TSPAN15: variants seen among roughly 807,000 people sequenced by gnomAD.
The protein encoded by TSPAN15 is tetraspanin-15.
TSPAN15 carries 20 observed loss-of-function variants against 34.5 expected under a neutral mutation model. The ratio of observed to expected loss-of-function variants is 0.58; its 90% CI spans 0.41 to 0.84. TSPAN15 has a LOEUF of 0.84. Ranked by LOEUF, TSPAN15 falls within the 40% of genes least tolerant of loss-of-function variation. The probability of loss-of-function intolerance (pLI) is 0.00; values close to 1 mark genes in which losing one functional copy is unlikely to be tolerated. For missense variants in TSPAN15, 313 were observed against 386.1 expected (o/e 0.81, Z 1.59); for synonymous variants, 155 against 153.9 (o/e 1.01, Z -0.05).
intron 1 of TSPAN15, among the ~76,000 whole-genome samples, chr10:69,456,110 C>G (rs1211723275): frequency 1.2e-4 from 17 of 147,768 alleles, no homozygotes; most frequent in African/African-American, 3.8e-4. Context: ...TTTTTTGAGA[C>G]AGAGCCTCGC....
intron 1 of TSPAN15, among the ~76,000 whole-genome samples, chr10:69,478,318 C>T (rs1448411942): frequency 6.6e-6 from 1 of 152,176 alleles, no homozygotes; most frequent in Admixed American, 6.5e-5. Flanking sequence ...TTATTCAAAA[C>T]CTCTCTCAAG....
At chr10:69,473,408 G>A (rs1841546782) in intron 1 of TSPAN15, among the ~76,000 whole-genome samples, 1 of 152,212 alleles carries the variant, frequency 6.6e-6, no homozygotes, top group African/African-American at 2.4e-5. Flanking sequence ...GGGGAGGGAA[G>A]GCATTGCTGT....
chr10:69,532,582 A>G, the TSPAN15 span, among the ~76,000 whole-genome samples: 1 of 152,250 alleles, frequency 6.6e-6, no homozygotes, highest in East Asian at 1.9e-4. Context: ...AAATTCTAGA[A>G]GATAACATCG....
At chr10:69,468,837 C>G (rs1841444264) in intron 1 of TSPAN15, among the ~76,000 whole-genome samples, 1 of 152,058 alleles carries the variant, frequency 6.6e-6, no homozygotes, top group Admixed American at 6.5e-5. Flanking sequence ...TTATGACATT[C>G]CTGTGTTGTA....
At chr10:69,546,415 A>G in the TSPAN15 span, among the ~76,000 whole-genome samples, 1 of 152,042 alleles carries the variant, frequency 6.6e-6, no homozygotes, top group Middle Eastern at 3.2e-3. Flanking sequence ...TGACTCCCAA[A>G]CTTTTGTCTC....
chr10:69,490,870 C>T (rs1048950661), intron 3 of TSPAN15, among the ~76,000 whole-genome samples: 1 of 152,178 alleles, frequency 6.6e-6, no homozygotes, highest in Non-Finnish European at 1.5e-5. Flanking sequence ...CAAATATTTT[C>T]CATCCACTGT....
intron 1 of TSPAN15, among the ~76,000 whole-genome samples, chr10:69,454,480 G>A (rs1841040830): frequency 1.3e-5 from 2 of 151,864 alleles, no homozygotes; most frequent in Non-Finnish European, 2.9e-5. Context: ...ATCGTGCCAC[G>A]GCACTGTAGT....
chr10:69,484,128 G>T, intron 2 of TSPAN15: 1 of 408,158 alleles, frequency 2.5e-6, no homozygotes, highest in Non-Finnish European at 4.4e-6. Context: ...GTTGCGAGTA[G>T]GAAAAACCAC....
At position 69,498,317 on chromosome 10, in the gene TSPAN15, G is replaced by A; in HGVS notation, c.491G>A (p.Ser164Asn). The change falls in exon 5 of 8, where the codon AGC becomes AAC. Residue 164 changes from serine (S) to asparagine (N), a missense_variant. Physicochemically the swap from Ser to Asn is conservative, Grantham distance 46. Coordinates refer to ENST00000373290, the MANE Select transcript of TSPAN15 (RefSeq NM_012339.5). ...CCGGEDYRDW[S>N]KNQYHDCSAP... The stretch of plus-strand genomic sequence containing the variant: ...GGCGGGGAGGACTACCGAGATTGGA[G>A]CAAGAATCAGTACCACGACTGCAGT... The A allele has an allele frequency of 6.2e-7, 1 of 1,613,918 alleles. No individual in the cohort carries two copies. Among genetic ancestry groups the A allele is most frequent in the Non-Finnish European group, 8.5e-7 (1 of 1,179,994 alleles).
the TSPAN15 span, among the ~76,000 whole-genome samples, chr10:69,539,521 A>AAGGAGAAGG: frequency 1.1e-5 from 1 of 89,406 alleles, no homozygotes; most frequent in African/African-American, 4.1e-5. Flanking sequence ...GAAGAAGAAG[A>AAGGAGAAGG]AGAAGAAGAA....
chr10:69,538,459 C>T, the TSPAN15 span, among the ~76,000 whole-genome samples: 4 of 152,218 alleles, frequency 2.6e-5, no homozygotes, highest in African/African-American at 9.6e-5. Context: ...TGGAGCAAGA[C>T]CCCTGGGTGT....
the TSPAN15 span, among the ~76,000 whole-genome samples, chr10:69,513,497 G>A: frequency 0.052 from 7,884 of 152,170 alleles, 309 homozygotes; most frequent in Non-Finnish European, 0.077. Context: ...ATGAGCCACC[G>A]TGCCCAGTCT....
chr10:69,496,999 A>G (rs993399049), intron 4 of TSPAN15, among the ~76,000 whole-genome samples: 4 of 152,184 alleles, frequency 2.6e-5, no homozygotes, highest in Admixed American at 2.0e-4. Context: ...TGCTTCATGC[A>G]TGGCACTCTA....
the TSPAN15 span, among the ~76,000 whole-genome samples, chr10:69,520,909 T>TC: frequency 6.6e-6 from 1 of 152,220 alleles, no homozygotes; most frequent in African/African-American, 2.4e-5. Flanking sequence ...CTGTTTTCCA[T>TC]AGTGGTTGCA....
the TSPAN15 span, among the ~76,000 whole-genome samples, chr10:69,535,977 A>T: frequency 6.6e-6 from 1 of 152,224 alleles, no homozygotes; most frequent in Non-Finnish European, 1.5e-5. Context: ...GAGTTCAGAA[A>T]TGGCAGGGAT....
intron 1 of TSPAN15, among the ~76,000 whole-genome samples, chr10:69,480,716 G>A (rs1841716348): frequency 6.6e-6 from 1 of 151,072 alleles, no homozygotes; most frequent in Admixed American, 6.6e-5. Context: ...CTTCTTTTTT[G>A]AGACAGAGTC....
intron 3 of TSPAN15, among the ~76,000 whole-genome samples, chr10:69,493,065 T>G (rs958897059): frequency 1.3e-5 from 2 of 152,168 alleles, no homozygotes; most frequent in Non-Finnish European, 2.9e-5. Context: ...GGTGGCAGAC[T>G]GGCCCCACCC....
the TSPAN15 span, among the ~76,000 whole-genome samples, chr10:69,548,689 G>A: frequency 5.3e-5 from 8 of 152,004 alleles, no homozygotes; most frequent in African/African-American, 1.9e-4. Context: ...GATTTTTACA[G>A]AGAAAGTTTC....
intron 1 of TSPAN15, among the ~76,000 whole-genome samples, chr10:69,473,186 A>G (rs1841541506): frequency 6.6e-6 from 1 of 152,012 alleles, no homozygotes; most frequent in South Asian, 2.1e-4. Flanking sequence ...TTTAGACAGA[A>G]TCTTGCTCTG....
Sources: allele counts gnomAD v4.1 joint callset (sites outside exome capture counted in the v4.1 genomes callset), GRCh38; gene constraint gnomAD v4.1.1; transcripts MANE v1.5; gene names NCBI Gene and HGNC (gene_info 2026-07-23, HGNC 2026-07-21).